The following TENM3 variants were observed in gnomAD, a reference collection of about 807,000 sequenced individuals.
The protein encoded by TENM3 is teneurin transmembrane protein 3.
A neutral mutation model predicts 255.1 loss-of-function variants in TENM3; 63 were observed. That is an observed-to-expected ratio of 0.25 (90% CI 0.20 to 0.30). TENM3 has a LOEUF of 0.30. Ranked by LOEUF, TENM3 falls within the 10% of genes least tolerant of loss-of-function variation. TENM3 has a pLI of 1.00. For synonymous variants in TENM3, 1,306 were observed against 1,322.3 expected (o/e 0.99, Z 0.27); for missense variants, 2,929 against 3,461.1 (o/e 0.85, Z 3.86).
the TENM3 span, among the ~76,000 whole-genome samples, chr4:181,948,528 G>C: frequency 6.6e-6 from 1 of 152,092 alleles, no homozygotes; most frequent in African/African-American, 2.4e-5. Flanking sequence ...AGATTCTCCT[G>C]CCTCAGCCTC....
At chr4:182,608,692 G>C (rs572666528) in intron 4 of TENM3, among the ~76,000 whole-genome samples, 3 of 152,272 alleles carry the variant, frequency 2.0e-5, no homozygotes, top group South Asian at 4.1e-4. Flanking sequence ...CCCGGGTTTG[G>C]GGGTGGCCGC....
the TENM3 span, among the ~76,000 whole-genome samples, chr4:181,831,955 T>C: frequency 6.8e-6 from 1 of 147,086 alleles, no homozygotes; most frequent in Non-Finnish European, 1.5e-5. Context: ...TACAGTAATA[T>C]ATATATATTA....
At chr4:181,869,706 G>C in the TENM3 span, among the ~76,000 whole-genome samples, 3 of 152,042 alleles carry the variant, frequency 2.0e-5, no homozygotes, top group African/African-American at 7.2e-5. Context: ...AACATTTATG[G>C]AGTGCACTGA....
intron 12 of TENM3, among the ~76,000 whole-genome samples, chr4:182,702,635 A>G (rs1334792541): frequency 6.6e-6 from 1 of 152,200 alleles, no homozygotes; most frequent in Non-Finnish European, 1.5e-5. Flanking sequence ...TCTCCACTGA[A>G]GAAACTGAGG....
the TENM3 span, among the ~76,000 whole-genome samples, chr4:181,871,753 AGTG>A: frequency 6.6e-6 from 1 of 152,096 alleles, no homozygotes; most frequent in Non-Finnish European, 1.5e-5. Context: ...TACTTTGTTA[AGTG>A]TGTTTTATAA....
At chr4:182,569,354 A>T (rs1010084038) in intron 3 of TENM3, among the ~76,000 whole-genome samples, 5 of 152,110 alleles carry the variant, frequency 3.3e-5, no homozygotes, top group African/African-American at 1.2e-4. Context: ...GAGGAGTTCG[A>T]CACCAGCCTG....
At chr4:181,459,379 T>A in the TENM3 span, among the ~76,000 whole-genome samples, 748 of 152,012 alleles carry the variant, frequency 4.9e-3, 7 homozygotes, top group Middle Eastern at 0.027. Context: ...ACTTCATCAA[T>A]TTTTTTATGA....
chr4:182,431,194 T>C (rs1771614332), intron 3 of TENM3, among the ~76,000 whole-genome samples: 2 of 151,680 alleles, frequency 1.3e-5, no homozygotes, highest in African/African-American at 4.8e-5. Flanking sequence ...GGTGCTTTCA[T>C]GAATAGAAAA....
At chr4:182,125,249 C>A in the TENM3 span, among the ~76,000 whole-genome samples, 45 of 152,306 alleles carry the variant, frequency 3.0e-4, no homozygotes, top group Non-Finnish European at 5.0e-4. Context: ...GTGCTACTCG[C>A]CCCTTCCATC....
chr4:182,395,932 A>G (rs1367464940), intron 3 of TENM3, among the ~76,000 whole-genome samples: 1 of 152,208 alleles, frequency 6.6e-6, no homozygotes, highest in African/African-American at 2.4e-5. Context: ...AGAACTACCT[A>G]ATTCACTGTC....
chr4:182,373,220 ACT>A (rs1385344106), intron 3 of TENM3, among the ~76,000 whole-genome samples: 2 of 152,072 alleles, frequency 1.3e-5, no homozygotes, highest in East Asian at 3.9e-4. Context: ...GACAGAAAAG[ACT>A]CTGCTGGTTA....
At chr4:182,166,418 C>T (rs562748683) in intron 1 of TENM3, among the ~76,000 whole-genome samples, 1 of 152,232 alleles carries the variant, frequency 6.6e-6, no homozygotes, top group Non-Finnish European at 1.5e-5. Flanking sequence ...TCAGTCATGG[C>T]CATTCTGCAC....
chr4:182,176,213 G>T (rs1441111842), intron 1 of TENM3, among the ~76,000 whole-genome samples: 1 of 152,106 alleles, frequency 6.6e-6, no homozygotes, highest in Non-Finnish European at 1.5e-5. Flanking sequence ...GAGAATGAAT[G>T]AATATATAAA....
the TENM3 span, among the ~76,000 whole-genome samples, chr4:181,802,586 T>G: frequency 6.6e-6 from 1 of 152,222 alleles, no homozygotes; most frequent in African/African-American, 2.4e-5. Flanking sequence ...CAAAAATATA[T>G]TAACCTTTGA....
chr4:182,105,578 G>C, the TENM3 span, among the ~76,000 whole-genome samples: 2 of 152,172 alleles, frequency 1.3e-5, no homozygotes, highest in Non-Finnish European at 2.9e-5. Flanking sequence ...ATGTACGTAG[G>C]GCCGAGGCTG....
chr4:182,777,324 A>G (rs1764751377), intron 24 of TENM3, among the ~76,000 whole-genome samples: 1 of 152,174 alleles, frequency 6.6e-6, no homozygotes, highest in South Asian at 2.1e-4. Flanking sequence ...CAATAAATGA[A>G]AGAATGAGGA....
chr4:182,790,632 T>A (rs559991317), intron 25 of TENM3, among the ~76,000 whole-genome samples: 4 of 152,204 alleles, frequency 2.6e-5, no homozygotes, highest in African/African-American at 9.6e-5. Flanking sequence ...TCCGCTCTCA[T>A]CAGAAGAGAC....
At chr4:182,370,680 A>T (rs1459127580) in intron 3 of TENM3, among the ~76,000 whole-genome samples, 2 of 152,156 alleles carry the variant, frequency 1.3e-5, no homozygotes, top group Non-Finnish European at 2.9e-5. Flanking sequence ...AAGTATTGTT[A>T]TCTGTGTCTT....
chr4:181,533,290 C>T, the TENM3 span, among the ~76,000 whole-genome samples: 2 of 152,160 alleles, frequency 1.3e-5, no homozygotes, highest in African/African-American at 2.4e-5. Flanking sequence ...GAAGAATTTA[C>T]AGGCCACTGA....
Sources: gnomAD v4.1 joint callset for allele counts (sites outside exome capture counted in the v4.1 genomes callset) on GRCh38, gnomAD v4.1.1 for gene constraint, MANE v1.5 for transcripts, NCBI Gene and HGNC (gene_info 2026-07-23, HGNC 2026-07-21) for gene names.